Variants in KLF8 observed in about 807,000 individuals in gnomAD.
KLF8 encodes KLF transcription factor 8.
A neutral mutation model predicts 18.2 loss-of-function variants in KLF8; 10 were observed. That is an observed-to-expected ratio of 0.55 (90% CI 0.34 to 0.93). The LOEUF is 0.93. KLF8 is among the 40% of genes least tolerant of loss of function. KLF8 has a pLI of 0.02. For synonymous variants in KLF8, 109 were observed against 97.3 expected (o/e 1.12, Z -0.71); for missense variants, 264 against 277.9 (o/e 0.95, Z 0.36).
the KLF8 span, chrX:55,908,250 A>T: frequency 3.9e-6 from 1 of 253,877 alleles, no homozygotes; most frequent in Non-Finnish European, 7.0e-6. Flanking sequence ...GGAGGCCGCC[A>T]CTAGCAAACA....
the KLF8 span, among the ~76,000 whole-genome samples, chrX:56,039,600 G>A: frequency 9.0e-6 from 1 of 111,598 alleles, no homozygotes; most frequent in Non-Finnish European, 1.9e-5. Flanking sequence ...TTCTGTTCTT[G>A]TACCAGTATC....
chrX:56,203,414 A>T, the KLF8 span, among the ~76,000 whole-genome samples: 1 of 111,839 alleles, frequency 8.9e-6, no homozygotes, highest in African/African-American at 3.2e-5. Context: ...TGCTGTGCAG[A>T]AGCTTTCTAA....
the KLF8 span, among the ~76,000 whole-genome samples, chrX:56,064,740 C>T: frequency 1.8e-5 from 2 of 111,620 alleles, no homozygotes; most frequent in Non-Finnish European, 3.8e-5. Context: ...TGTCCTTTCA[C>T]TTCCAGGTGT....
At chrX:56,110,378 C>T in the KLF8 span, among the ~76,000 whole-genome samples, 48 of 111,516 alleles carry the variant, frequency 4.3e-4, no homozygotes, top group African/African-American at 1.4e-3. Context: ...AAGTCTATTG[C>T]GAATATCATA....
the KLF8 span, among the ~76,000 whole-genome samples, chrX:56,181,123 T>G: frequency 2.7e-5 from 3 of 111,754 alleles, no homozygotes; most frequent in African/African-American, 6.5e-5. Flanking sequence ...CTCTAAGGAC[T>G]TTCTTCATGA....
the KLF8 span, among the ~76,000 whole-genome samples, chrX:56,012,467 T>A: frequency 8.9e-6 from 1 of 112,160 alleles, no homozygotes; most frequent in Non-Finnish European, 1.9e-5. Context: ...GAACCATTTA[T>A]GACAAACCCA....
At chrX:56,077,199 G>T in the KLF8 span, among the ~76,000 whole-genome samples, 2 of 111,849 alleles carry the variant, frequency 1.8e-5, no homozygotes, top group Non-Finnish European at 3.8e-5. Context: ...TGGTGTTTTA[G>T]ACATGAAGTC....
the KLF8 span, among the ~76,000 whole-genome samples, chrX:56,053,193 G>C: frequency 8.9e-6 from 1 of 112,292 alleles, no homozygotes; most frequent in African/African-American, 3.2e-5. Flanking sequence ...GATGAACCCG[G>C]TACCTCAGAT....
the KLF8 span, among the ~76,000 whole-genome samples, chrX:55,951,299 A>G: frequency 9.2e-6 from 1 of 109,072 alleles, no homozygotes; most frequent in Non-Finnish European, 1.9e-5. Flanking sequence ...AACATGGTGA[A>G]ACCCCGTCTC....
chrX:55,999,303 G>GTTTTTTT, the KLF8 span, among the ~76,000 whole-genome samples: 20 of 27,202 alleles, frequency 7.4e-4, 2 homozygotes, highest in Non-Finnish European at 4.5e-4. Context: ...TTTTTGCTTC[G>GTTTTTTT]TTTTGTTTTG....
At chrX:55,948,618 A>G in the KLF8 span, among the ~76,000 whole-genome samples, 1 of 111,835 alleles carries the variant, frequency 8.9e-6, no homozygotes, top group African/African-American at 3.2e-5. Flanking sequence ...TTATTGTTTA[A>G]TATTTCTTTA....
At chrX:56,004,817 G>T in the KLF8 span, among the ~76,000 whole-genome samples, 1 of 110,924 alleles carries the variant, frequency 9.0e-6, no homozygotes, top group East Asian at 2.9e-4. Flanking sequence ...GAAGATAACA[G>T]CATAATCATG....
the KLF8 span, among the ~76,000 whole-genome samples, chrX:56,008,624 T>G: frequency 8.9e-6 from 1 of 112,160 alleles, no homozygotes; most frequent in Non-Finnish European, 1.9e-5. Context: ...GGGGACTGCC[T>G]GACTACTGAG....
the KLF8 span, among the ~76,000 whole-genome samples, chrX:56,126,616 A>G: frequency 9.2e-6 from 1 of 108,298 alleles, no homozygotes; most frequent in Non-Finnish European, 1.9e-5. Flanking sequence ...CCCATCTCCT[A>G]CTCCCTGTTT....
chrX:56,188,792 G>T, the KLF8 span, among the ~76,000 whole-genome samples: 26 of 112,190 alleles, frequency 2.3e-4, no homozygotes, highest in African/African-American at 8.4e-4. Context: ...TTTAACAAAT[G>T]GTGCTGGGAA....
the KLF8 span, among the ~76,000 whole-genome samples, chrX:56,002,585 G>A: frequency 3.6e-5 from 4 of 111,514 alleles, no homozygotes; most frequent in African/African-American, 1.3e-4. Context: ...TAGTTGAATC[G>A]ATGAATAGGT....
At chrX:55,981,407 AC>A in the KLF8 span, among the ~76,000 whole-genome samples, 12 of 111,521 alleles carry the variant, frequency 1.1e-4, no homozygotes, top group Non-Finnish European at 2.1e-4. Flanking sequence ...CTTTTATGAA[AC>A]CCCAACTCCT....
chrX:56,114,088 C>A, the KLF8 span, among the ~76,000 whole-genome samples: 149 of 112,111 alleles, frequency 1.3e-3, 1 homozygote, highest in Middle Eastern at 4.6e-3. Flanking sequence ...CAAGGAGGCC[C>A]CGCCCGGTTA....
the KLF8 span, among the ~76,000 whole-genome samples, chrX:56,030,086 T>C: frequency 1.0e-3 from 115 of 112,651 alleles, no homozygotes; most frequent in African/African-American, 3.5e-3. Flanking sequence ...AATGTACATA[T>C]GATAGGCCTC....
Sources: gnomAD v4.1 joint callset for allele counts (sites outside exome capture counted in the v4.1 genomes callset) on GRCh38, gnomAD v4.1.1 for gene constraint, MANE v1.5 for transcripts, NCBI Gene and HGNC (gene_info 2026-07-23, HGNC 2026-07-21) for gene names.